BTBD9: variants seen among roughly 807,000 people sequenced by gnomAD.
The protein encoded by BTBD9 is BTB domain containing 9.
Under a neutral mutation model 64.3 loss-of-function variants are expected in BTBD9, and 49 were observed. The ratio of observed to expected loss-of-function variants is 0.76; its 90% CI spans 0.61 to 0.97. The LOEUF (loss-of-function observed/expected upper bound fraction) is 0.97, where lower values mean the gene tolerates loss of function less well. Among genes scored for constraint, BTBD9 ranks in the 50% least tolerant of loss-of-function variants. The pLI, the probability that BTBD9 is intolerant of heterozygous loss-of-function variation, is 0.00. For synonymous variants in BTBD9, 260 were observed against 274.7 expected, an observed-to-expected ratio of 0.95 and a Z score of 0.53; for missense variants, 598 against 762.1, an observed-to-expected ratio of 0.78 and a Z score of 2.53.
rs1766721009 is a variant in BTBD9, at chr6:38,170,751, A to C, written c.*4234T>G. 1 of 152,204 alleles carries C rather than the reference A, an allele frequency of 6.6e-6. No individual in the cohort carries two copies. Among genetic ancestry groups the C allele is most frequent in the Non-Finnish European group, 1.5e-5 (1 of 68,028 alleles). The allele number at this position is 152,204 out of a possible 1,614,324, so 9.4% of individuals were successfully genotyped here. A position where few individuals can be genotyped will look rare whatever the true frequency, so the allele number is the denominator to read the frequency against. On this transcript the variant is annotated 3_prime_UTR_variant, in exon 11 of 11. Transcript: ENST00000481247. The stretch of plus-strand genomic sequence containing the variant: ...GCACAGAACCATGAACTGCACTTTA[A>C]ATTCCTAACTGAACTCCTGCCGGGG...
At position 38,346,606 on chromosome 6, in the gene BTBD9, G is replaced by A. The variant is rs145042772; in HGVS notation, c.1155-1513C>T. On this transcript the variant is annotated intron_variant, in intron 6 of 10. Coordinates refer to ENST00000481247, the MANE Select transcript of BTBD9 (RefSeq NM_001099272.2). ...GCCCTCAAGGCAGACAGAAGGTATT[G>A]ATTTTACTGGGTTTGGGTGGGTGGG... 2.7e-3 allele frequency among the ~76,000 whole-genome samples: 374 copies of A among 137,424 alleles called. 3 individuals carry two copies. Among genetic ancestry groups the A allele is most frequent in the African/African-American group, 8.8e-3 (336 of 37,970 alleles). The allele number at this position is 137,424 out of a possible 152,430, so 90.2% of individuals were successfully genotyped here.
At position 38,214,010 on chromosome 6, in the gene BTBD9, A is replaced by AAATAATAATAAT. The variant is rs3047750; in HGVS notation, c.1563-21425_1563-21414dup. On this transcript the variant is annotated intron_variant, in intron 9 of 10. Transcript: ENST00000481247. Reference sequence around the variant, plus strand: ...GACTCCATCTCAAATAAACAAACAAAAATAATAATAATAATAATAATAATT... The same window carrying AAATAATAATAAT: ...GACTCCATCTCAAATAAACAAACAAAAATAATAATAATAATAATAATAATAATAATAATAATT... Among the ~76,000 whole-genome samples the AAATAATAATAAT allele has an allele frequency of 2.7e-3, 400 of 147,610 alleles. 2 individuals carry two copies. Among genetic ancestry groups the AAATAATAATAAT allele is most frequent in the African/African-American group, 6.4e-3 (259 of 40,366 alleles).
intron 6 of BTBD9, among the ~76,000 whole-genome samples, chr6:38,496,439 T>A (rs912390169): frequency 2.0e-5 from 3 of 151,580 alleles, no homozygotes; most frequent in Non-Finnish European, 4.4e-5. Context: ...GCCCAGGAGT[T>A]CAAGACCAGC....
intron 7 of BTBD9, among the ~76,000 whole-genome samples, chr6:38,329,808 C>A (rs552868989): frequency 1.3e-5 from 2 of 152,056 alleles, no homozygotes; most frequent in East Asian, 4.0e-4. Context: ...AAAAAACTAG[C>A]GGGGCGTGAT....
intron 9 of BTBD9, among the ~76,000 whole-genome samples, chr6:38,204,830 G>C (rs1190810498): frequency 6.6e-6 from 1 of 151,822 alleles, no homozygotes; most frequent in African/African-American, 2.4e-5. Flanking sequence ...GCAGAATACA[G>C]CTTCAGGAAA....
chr6:38,501,235 G>T (rs1181482838), intron 6 of BTBD9, among the ~76,000 whole-genome samples: 1 of 152,242 alleles, frequency 6.6e-6, no homozygotes, highest in East Asian at 1.9e-4. Flanking sequence ...AAGCATCCAA[G>T]ATCCTCCAGA....
At chr6:38,381,888 A>G (rs1323854139) in intron 6 of BTBD9, among the ~76,000 whole-genome samples, 1 of 152,194 alleles carries the variant, frequency 6.6e-6, no homozygotes, top group Non-Finnish European at 1.5e-5. Flanking sequence ...TAAGTAATGG[A>G]AATTAGAAAA....
intron 9 of BTBD9, among the ~76,000 whole-genome samples, chr6:38,224,809 G>A (rs1357297380): frequency 6.6e-6 from 1 of 152,180 alleles, no homozygotes; most frequent in Non-Finnish European, 1.5e-5. Context: ...AACGCTTAAC[G>A]TGGAGCTTGT....
chr6:38,524,946 TGG>T (rs1198724673), intron 6 of BTBD9, among the ~76,000 whole-genome samples: 2 of 152,132 alleles, frequency 1.3e-5, no homozygotes, highest in Non-Finnish European at 2.9e-5. Context: ...ACTGACTAGC[TGG>T]TTAGTGTCTG....
chr6:38,424,030 C>T (rs9380748), intron 6 of BTBD9, among the ~76,000 whole-genome samples: 84,514 of 151,478 alleles, frequency 0.56, 23,840 homozygotes, highest in Middle Eastern at 0.65. Context: ...GTGTGAATTA[C>T]TGGAGATATG....
chr6:38,394,239 C>T (rs921891962), intron 6 of BTBD9, among the ~76,000 whole-genome samples: 3 of 151,926 alleles, frequency 2.0e-5, no homozygotes, highest in African/African-American at 4.8e-5. Context: ...GTAAGTACTA[C>T]GAAAGGAGAA....
In BTBD9 at chr6:38,192,672, GT is replaced by G. The variant is rs1762129439; in HGVS notation, c.1563-76del. ...CTGGTAGTGTGGCCGATGGAGTCATGTCCACTGAGGAGGGAGGGCTTCCTGT... is the reference window on the plus strand; with the variant it reads ...CTGGTAGTGTGGCCGATGGAGTCATGCCACTGAGGAGGGAGGGCTTCCTGT... On this transcript the variant is annotated intron_variant, in intron 9 of 10. Transcript: ENST00000481247. 7.1e-5 allele frequency: 95 copies of G among 1,331,338 alleles called. No homozygotes were observed. In the South Asian group the frequency reaches 1.1e-3, roughly 16 times the overall value. The allele number at this position is 1,331,338 out of a possible 1,614,324, so 82.5% of individuals were successfully genotyped here. A position where few individuals can be genotyped will look rare whatever the true frequency, so the allele number is the denominator to read the frequency against.
chr6:38,291,554 C>G (rs1252001570), intron 7 of BTBD9, among the ~76,000 whole-genome samples: 1 of 152,140 alleles, frequency 6.6e-6, no homozygotes, highest in Admixed American at 6.6e-5. Flanking sequence ...GGTGAGAGGG[C>G]ATCCTTGTCT....
At chr6:38,349,584 T>G (rs111504825) in intron 6 of BTBD9, among the ~76,000 whole-genome samples, 2 of 152,160 alleles carry the variant, frequency 1.3e-5, no homozygotes, top group Admixed American at 1.3e-4. Context: ...TGTGCTTAAT[T>G]TATAAATTAA....
chr6:38,268,726 G>C (rs1441247689), intron 8 of BTBD9, among the ~76,000 whole-genome samples: 1 of 152,174 alleles, frequency 6.6e-6, no homozygotes, highest in African/African-American at 2.4e-5. Context: ...TTTCCCCACA[G>C]AGCACAATCT....
chr6:38,509,672 C>T (rs1474442862), intron 6 of BTBD9, among the ~76,000 whole-genome samples: 1 of 152,028 alleles, frequency 6.6e-6, no homozygotes, highest in Admixed American at 6.5e-5. Flanking sequence ...TTAACACTTC[C>T]GAAAAGAAAA....
chr6:38,625,371 A>C (rs1184376525), intron 1 of BTBD9, among the ~76,000 whole-genome samples: 2 of 152,228 alleles, frequency 1.3e-5, no homozygotes, highest in African/African-American at 2.4e-5. Flanking sequence ...ACACTTTAAA[A>C]TCATCACATA....
intron 9 of BTBD9, among the ~76,000 whole-genome samples, chr6:38,243,047 G>C (rs1764059806): frequency 6.6e-6 from 1 of 151,400 alleles, no homozygotes; most frequent in African/African-American, 2.5e-5. Flanking sequence ...GTCTTGAAGG[G>C]AACACTGAAT....
At chr6:38,292,351 C>A (rs1761995679) in intron 7 of BTBD9, among the ~76,000 whole-genome samples, 1 of 152,144 alleles carries the variant, frequency 6.6e-6, no homozygotes, top group South Asian at 2.1e-4. Flanking sequence ...ACAGAGGAGT[C>A]CTTCTTTTTC....
Sources: allele counts gnomAD v4.1 joint callset (sites outside exome capture counted in the v4.1 genomes callset), GRCh38; gene constraint gnomAD v4.1.1; transcripts MANE v1.5; gene names NCBI Gene and HGNC (gene_info 2026-07-23, HGNC 2026-07-21).